Variants in PCDHGA1 observed in about 807,000 individuals in gnomAD.
The protein encoded by PCDHGA1 is protocadherin gamma subfamily A, 1.
In PCDHGA1, 32 loss-of-function variants were observed where a neutral mutation model predicts 58.0. The observed-to-expected ratio is 0.55, with a 90% CI of 0.42 to 0.74. The LOEUF (loss-of-function observed/expected upper bound fraction) is 0.74. Ranked by LOEUF, PCDHGA1 falls within the 30% of genes least tolerant of loss-of-function variation. The pLI, the probability that PCDHGA1 is intolerant of heterozygous loss-of-function variation, is 0.00. For missense variants in PCDHGA1, 1,205 were observed against 1,182.3 expected (o/e 1.02, Z -0.28); for synonymous variants, 498 against 501.1 (o/e 0.99, Z 0.08).
At chr5:141,388,486 A>G in intron 1 of PCDHGA1, 1 of 1,613,858 alleles carries the variant, frequency 6.2e-7, no homozygotes, top group Non-Finnish European at 8.5e-7. Context: ...ACACCTTTGG[A>G]CAGAGAAAAG....
intron 1 of PCDHGA1, chr5:141,388,375 G>A (rs2091339163): frequency 7.4e-6 from 12 of 1,613,962 alleles, no homozygotes; most frequent in Non-Finnish European, 1.0e-5. Flanking sequence ...GATATTGGTA[G>A]CAACACACTG....
At chr5:141,351,184 A>G (rs1254962185) in intron 1 of PCDHGA1, 8 of 1,613,940 alleles carry the variant, frequency 5.0e-6, no homozygotes, top group African/African-American at 1.3e-5. Flanking sequence ...TTGAAGAGAC[A>G]AGTAGATATG....
chr5:141,505,284 G>A, intron 2 of PCDHGA1, 109 bp from the exon 3 acceptor site: 1 of 1,548,402 alleles, frequency 6.5e-7, no homozygotes. Flanking sequence ...CAGGTCTTGG[G>A]CATGGGGTAG....
At chr5:141,374,635 C>T (rs759050511) in intron 1 of PCDHGA1, 1 of 1,613,044 alleles carries the variant, frequency 6.2e-7, no homozygotes, top group Non-Finnish European at 8.5e-7. Flanking sequence ...ACGTGCAAAG[C>T]GAAGCCCATG....
At chr5:141,419,775 G>C in intron 1 of PCDHGA1, 1 of 1,614,016 alleles carries the variant, frequency 6.2e-7, no homozygotes, top group Non-Finnish European at 8.5e-7. Flanking sequence ...GACTCGGTCC[G>C]CCAGCGCCTG....
At chr5:141,398,343 G>A (rs1393305647) in intron 1 of PCDHGA1, 6 of 1,380,544 alleles carry the variant, frequency 4.3e-6, no homozygotes, top group Non-Finnish European at 6.0e-6. Context: ...GTTCGGAGAA[G>A]CCTTACTTCA....
intron 1 of PCDHGA1, chr5:141,393,595 T>C: frequency 6.2e-7 from 1 of 1,613,866 alleles, no homozygotes; most frequent in Non-Finnish European, 8.5e-7. Context: ...GGCACGCGGC[T>C]GCTTACTGTA....
At chr5:141,478,720 G>T (rs2154576937) in intron 1 of PCDHGA1, 1 of 1,543,694 alleles carries the variant, frequency 6.5e-7, no homozygotes, top group Admixed American at 2.0e-5. Context: ...ATGGTGGCCT[G>T]CCAGAGTGTG....
intron 1 of PCDHGA1, chr5:141,371,954 C>T (rs1182311011): frequency 6.2e-7 from 1 of 1,613,274 alleles, no homozygotes; most frequent in Non-Finnish European, 8.5e-7. Flanking sequence ...AGCGAGCCTT[C>T]GACCACGAGC....
rs980172909 is a variant in PCDHGA1, at chr5:141,485,917, G to A, written c.2422-8890G>A. On this transcript the variant is annotated intron_variant, in intron 1 of 3. Transcript: ENST00000517417. The surrounding 1 kb of genome is among the most constrained non-coding windows in gnomAD (Gnocchi z 5.7). ...CAGCCTTCCAGCAATCCAGCTACAGGATTAGTGTGTTGGAGAGCGCACCAG... is the reference window on the plus strand; with the variant it reads ...CAGCCTTCCAGCAATCCAGCTACAGAATTAGTGTGTTGGAGAGCGCACCAG... The A allele has an allele frequency of 2.6e-5, 42 of 1,614,078 alleles. No homozygotes were observed. Among genetic ancestry groups the A allele is most frequent in the Non-Finnish European group, 3.5e-5 (41 of 1,180,050 alleles).
At chr5:141,351,833 G>A in intron 1 of PCDHGA1, 2 of 1,613,230 alleles carry the variant, frequency 1.2e-6, no homozygotes, top group Non-Finnish European at 1.7e-6. Flanking sequence ...GCGCGCCTTC[G>A]AGCTCACACT....
chr5:141,367,008 A>G (rs1359337348), intron 1 of PCDHGA1: 3 of 436,014 alleles, frequency 6.9e-6, no homozygotes, highest in Admixed American at 4.1e-5. Flanking sequence ...CATTTTACCC[A>G]AATATTTTGT....
intron 1 of PCDHGA1, chr5:141,339,461 G>T: frequency 1.9e-6 from 3 of 1,614,212 alleles, no homozygotes; most frequent in Non-Finnish European, 2.5e-6. Flanking sequence ...AGACGTAGGT[G>T]AGAACGCCCT....
At chr5:141,350,196 A>C in intron 1 of PCDHGA1, 1 of 1,414,832 alleles carries the variant, frequency 7.1e-7, no homozygotes. Flanking sequence ...ACAGAAGTCC[A>C]GGGTGCTGCC....
chr5:141,383,319 A>T, intron 1 of PCDHGA1: 2 of 1,614,020 alleles, frequency 1.2e-6, no homozygotes, highest in Non-Finnish European at 1.7e-6. Context: ...AAATAAATGT[A>T]AAAATAATGG....
At position 141,339,011 on chromosome 5, in the gene PCDHGA1, G is replaced by A. The variant is rs376681809; in HGVS notation, c.2421+5906G>A. 8.8e-6 allele frequency: 14 copies of A among 1,582,188 alleles called. No homozygotes were observed. In the East Asian group the frequency reaches 1.1e-4, roughly 13 times the overall value. On this transcript the variant is annotated intron_variant, in intron 1 of 3. Transcript: ENST00000517417. ...AAAGTTGCCACACTGCAGAAAGCTG[G>A]TCCTGCTGTGCTTCCTTTTGGCGAC...
intron 1 of PCDHGA1, among the ~76,000 whole-genome samples, chr5:141,368,720 T>C (rs1443376319): frequency 6.6e-6 from 1 of 152,220 alleles, no homozygotes; most frequent in African/African-American, 2.4e-5. Flanking sequence ...ATTTTGAATG[T>C]ATGTACTGTA....
chr5:141,450,150 G>T (rs1314865325), intron 1 of PCDHGA1, among the ~76,000 whole-genome samples: 1 of 150,342 alleles, frequency 6.7e-6, no homozygotes, highest in Non-Finnish European at 1.5e-5. Flanking sequence ...GGGACTACAG[G>T]CATGTGCCAC....
At chr5:141,345,361 T>C in intron 1 of PCDHGA1, 1 of 1,613,952 alleles carries the variant, frequency 6.2e-7, no homozygotes, top group Non-Finnish European at 8.5e-7. Flanking sequence ...CTGCATGTGA[T>C]TGACATCAAT....
Sources: gnomAD v4.1 joint callset for allele counts (sites outside exome capture counted in the v4.1 genomes callset) on GRCh38, gnomAD v4.1.1 for gene constraint, Gnocchi (gnomAD v3.1) non-coding constraint, MANE v1.5 for transcripts, NCBI Gene and HGNC (gene_info 2026-07-23, HGNC 2026-07-21) for gene names.